The following CHPT1 variants were observed in gnomAD, a reference collection of about 807,000 sequenced individuals.
The protein encoded by CHPT1 is choline phosphotransferase 1.
CHPT1 carries 36 observed loss-of-function variants against 47.6 expected under a neutral mutation model. The observed-to-expected ratio is 0.76, with a 90% CI of 0.58 to 1.00. The LOEUF (loss-of-function observed/expected upper bound fraction) is 1.00, where lower values mean the gene tolerates loss of function less well. Ranked by LOEUF, CHPT1 falls within the 50% of genes least tolerant of loss-of-function variation. The pLI, the probability that CHPT1 is intolerant of heterozygous loss-of-function variation, is 0.00. For synonymous variants in CHPT1, 194 were observed against 186.3 expected, an observed-to-expected ratio of 1.04 and a Z score of -0.33; for missense variants, 458 against 498.1, an observed-to-expected ratio of 0.92 and a Z score of 0.77.
Position 101,707,872 on chromosome 12 carries a change from G to A in CHPT1, c.274-6218G>A, listed in dbSNP as rs116639533. Among the ~76,000 whole-genome samples the A allele has an allele frequency of 3.8e-3, 575 of 152,246 alleles. 4 individuals are homozygous for A. The highest frequency in any genetic ancestry group is 0.013 in the African/African-American group (547 of 41,540). ...TCAATCTTTCTCCTTCAGTCACTGC[G>A]TAGTTCCGTCTCTTAATATGGAAAC... On this transcript the variant is annotated intron_variant, in intron 1 of 8. Coordinates refer to ENST00000229266, the MANE Select transcript of CHPT1 (RefSeq NM_020244.3).
chr12:101,721,760 T>C (rs1951854862), intron 5 of CHPT1, among the ~76,000 whole-genome samples: 2 of 152,190 alleles, frequency 1.3e-5, no homozygotes, highest in East Asian at 3.8e-4. Context: ...GATCATTGTC[T>C]ACTCTAAAGA....
Position 101,698,151 on chromosome 12 carries a change from G to T in CHPT1, c.273+17G>T. 6.9e-7 allele frequency: 1 copy of T among 1,442,100 alleles called. No individual in the cohort carries two copies. The highest frequency in any genetic ancestry group is 9.1e-7 in the Non-Finnish European group (1 of 1,096,662). 89.3% of individuals were successfully genotyped at this position (1,442,100 alleles called of 1,614,324 possible). On this transcript the variant is annotated intron_variant, in intron 1 of 8. Transcript: ENST00000229266. ...ACCGAAGAGGTAGGGCTGGCCGATC[G>T]CCCGAGCCGGGCCCCAGATGCGCTG...
intron 3 of CHPT1, among the ~76,000 whole-genome samples, chr12:101,716,352 G>A (rs1951763131): frequency 6.6e-6 from 1 of 152,074 alleles, no homozygotes; most frequent in African/African-American, 2.4e-5. Flanking sequence ...AAATCATATG[G>A]TTGTTTTTAT....
At chr12:101,723,886 G>A (rs754143006) in intron 7 of CHPT1, 39 bp downstream of exon 7, 1 of 1,406,506 alleles carries the variant, frequency 7.1e-7, no homozygotes, top group South Asian at 1.2e-5. Context: ...TTTTAACAAT[G>A]CTTAAGAGCT....
At chr12:101,704,264 A>G (rs1566035773) in intron 1 of CHPT1, among the ~76,000 whole-genome samples, 1 of 150,898 alleles carries the variant, frequency 6.6e-6, no homozygotes, top group African/African-American at 2.4e-5. Context: ...GTTTGGGAAG[A>G]TTTTTTCTTT....
intron 1 of CHPT1, among the ~76,000 whole-genome samples, chr12:101,709,302 G>A (rs1274150187): frequency 6.9e-6 from 1 of 145,980 alleles, no homozygotes; most frequent in Non-Finnish European, 1.5e-5. Flanking sequence ...AGGAGGCTGA[G>A]GTGGGAGGAT....
chr12:101,707,036 C>T (rs2137005373), intron 1 of CHPT1, among the ~76,000 whole-genome samples: 1 of 152,266 alleles, frequency 6.6e-6, no homozygotes, highest in South Asian at 2.1e-4. Context: ...TTTGCAAAGA[C>T]TGCTTTAACC....
chr12:101,723,967 A>AAAGT, intron 7 of CHPT1, 120 bp downstream of exon 7: 1 of 729,870 alleles, frequency 1.4e-6, no homozygotes. Context: ...CTGTAATCCC[A>AAAGT]GCACTTTGGG....
rs188350817 is a variant in CHPT1 at position 101,719,558 on chromosome 12, A to G, written c.649-565A>G. On this transcript the variant is annotated intron_variant, in intron 4 of 8. Coordinates refer to ENST00000229266, the MANE Select transcript of CHPT1 (RefSeq NM_020244.3). ...AGATTTAATCCTGGATATTAACTACACAGATGTTTTGCTTGCATACACATC... is the reference window on the plus strand; with the variant it reads ...AGATTTAATCCTGGATATTAACTACGCAGATGTTTTGCTTGCATACACATC... 3.7e-4 allele frequency: 471 copies of G among 1,265,706 alleles called. 4 individuals carry two copies. In the African/African-American group the frequency reaches 6.6e-3, roughly 18 times the overall value. The allele number at this position is 1,265,706 out of a possible 1,614,324, so 78.4% of individuals were successfully genotyped here.
chr12:101,722,867 G>T (rs1430978539), intron 5 of CHPT1, among the ~76,000 whole-genome samples: 1 of 152,096 alleles, frequency 6.6e-6, no homozygotes, highest in Non-Finnish European at 1.5e-5. Context: ...ATCCACATGT[G>T]GACTGCCTTC....
At chr12:101,721,265 G>A (rs1951847311) in intron 5 of CHPT1, among the ~76,000 whole-genome samples, 4 of 151,966 alleles carry the variant, frequency 2.6e-5, no homozygotes, top group Admixed American at 2.6e-4. Flanking sequence ...TCCAGCCTGG[G>A]TGACAGAGCG....
In CHPT1 at chr12:101,698,039, T is replaced by G. The variant is rs779016155; in HGVS notation, c.178T>G (p.Trp60Gly). 10 of 1,581,266 alleles carry G rather than the reference T, an allele frequency of 6.3e-6. No homozygotes were observed. The highest frequency in any genetic ancestry group is 2.3e-5 in the South Asian group (2 of 88,482). ...CTGGCTGCTCCAGTGGATCCCGCTC[T>G]GGATGGCCCCCAACTCCATCACCCT... ...WTWLLQWIPL[W>G]MAPNSITLLG... is the part of the protein sequence containing the mutation. Residue 60 changes from tryptophan to glycine, a missense_variant, in exon 1 of 9, where the codon TGG becomes GGG. By Grantham distance (184) the Trp-to-Gly change is radical. Transcript: ENST00000229266.
chr12:101,727,905 A>ATAAC (rs765783349), intron 8 of CHPT1: 4 of 152,184 alleles, frequency 2.6e-5, no homozygotes, highest in Non-Finnish European at 2.9e-5. Flanking sequence ...AAACCTTATT[A>ATAAC]TAACTAAGAT....
Position 101,716,808 on chromosome 12 carries a change from A to G in CHPT1, c.644A>G (p.Tyr215Cys). The change falls in exon 4 of 9, where the codon TAT (tyrosine) becomes TGT (cysteine). Residue 215 changes from tyrosine to cysteine, a missense_variant. Coordinates refer to ENST00000229266, the MANE Select transcript of CHPT1 (RefSeq NM_020244.3). Reference protein sequence around the residue: ...SAFGGATMWDYTIPILEIKLK... With the variant: ...SAFGGATMWDCTIPILEIKLK... ...TTTGGAGGAGCAACAATGTGGGACT[A>G]TACGGTAAATCTGAATATTTAAATT... 4 of 1,561,526 alleles carry G rather than the reference A, an allele frequency of 2.6e-6. No individual in the cohort carries two copies. Among genetic ancestry groups the G allele is most frequent in the Non-Finnish European group, 3.5e-6 (4 of 1,147,088 alleles).
intron 1 of CHPT1, among the ~76,000 whole-genome samples, chr12:101,700,691 C>T (rs1237517745): frequency 6.7e-6 from 1 of 150,112 alleles, no homozygotes; most frequent in African/African-American, 2.5e-5. Context: ...AGTGCTTTCA[C>T]ATCCATGGTT....
intron 4 of CHPT1, among the ~76,000 whole-genome samples, chr12:101,718,168 A>G (rs1286016114): frequency 2.0e-5 from 3 of 152,226 alleles, no homozygotes; most frequent in Admixed American, 2.0e-4. Flanking sequence ...TAGGGCAGTA[A>G]AACTATTTTG....
At chr12:101,721,004 G>A (rs78391626) in intron 5 of CHPT1, among the ~76,000 whole-genome samples, 2,521 of 152,118 alleles carry the variant, frequency 0.017, 32 homozygotes, top group Non-Finnish European at 0.023. Context: ...TTTCAGGGCC[G>A]GGCACAGTGG....
chr12:101,708,002 T>C (rs1951656723), intron 1 of CHPT1, among the ~76,000 whole-genome samples: 1 of 152,180 alleles, frequency 6.6e-6, no homozygotes, highest in African/African-American at 2.4e-5. Flanking sequence ...GAAGAGTAAA[T>C]CATGTGTGAA....
At chr12:101,714,044 GCTTATTATCA>G in intron 1 of CHPT1, 36 bp from the exon 2 acceptor site, 2 of 1,362,034 alleles carry the variant, frequency 1.5e-6, no homozygotes, top group South Asian at 2.6e-5. Context: ...TTTTCAGAAA[GCTTATTATCA>G]CTTAACAATC....
Sources: allele counts gnomAD v4.1 joint callset (sites outside exome capture counted in the v4.1 genomes callset), GRCh38; gene constraint gnomAD v4.1.1; transcripts MANE v1.5; gene names NCBI Gene and HGNC (gene_info 2026-07-23, HGNC 2026-07-21).